RPGRIP1L: variants seen among roughly 807,000 people sequenced by gnomAD.
The protein encoded by RPGRIP1L is protein fantom.
RPGRIP1L carries 131 observed loss-of-function variants against 160.4 expected under a neutral mutation model. The observed-to-expected ratio is 0.82, with a 90% CI of 0.71 to 0.94. The LOEUF is 0.94. Ranked by LOEUF, RPGRIP1L falls within the 40% of genes least tolerant of loss-of-function variation. The pLI, the probability that RPGRIP1L is intolerant of heterozygous loss-of-function variation, is 0.00. For missense variants in RPGRIP1L, 1,522 were observed against 1,535.8 expected (o/e 0.99, Z 0.15); for synonymous variants, 510 against 515.8 (o/e 0.99, Z 0.15).
In RPGRIP1L at chr16:53,686,639, A is replaced by G; in HGVS notation, c.633-63T>C. 4.5e-6 allele frequency: 7 copies of G among 1,547,262 alleles called. No individual in the cohort carries two copies. In the South Asian group the frequency reaches 7.9e-5, roughly 18 times the overall value. On this transcript the variant is annotated intron_variant, in intron 5 of 26. Transcript: ENST00000647211. ...GGAAAATTTTTCAATAGTTAAGATC[A>G]GTGCAAAGAAAGTTCTTCATGAAAA...
intron 2 of RPGRIP1L, among the ~76,000 whole-genome samples, chr16:53,697,573 G>A (rs919418453): frequency 3.3e-5 from 5 of 152,190 alleles, no homozygotes; most frequent in African/African-American, 9.6e-5. Context: ...TGTGTTGGCC[G>A]GGCTGGTCTC....
At chr16:53,649,882 C>A (rs960071744) in intron 15 of RPGRIP1L, among the ~76,000 whole-genome samples, 3 of 152,160 alleles carry the variant, frequency 2.0e-5, no homozygotes, top group African/African-American at 7.2e-5. Context: ...TAATTTCCAC[C>A]AATATACTCC....
intron 4 of RPGRIP1L, among the ~76,000 whole-genome samples, chr16:53,688,332 T>C (rs907827706): frequency 6.6e-6 from 1 of 152,168 alleles, no homozygotes; most frequent in African/African-American, 2.4e-5. Context: ...TTCCCCAGTG[T>C]TTGTGATAAG....
Position 53,602,042 on chromosome 16 carries a change from TGAG to T in RPGRIP1L, c.*31_*33del. On this transcript the variant is annotated 3_prime_UTR_variant, in exon 27 of 27. Transcript: ENST00000647211. ...TAGGAACTTTCATGTGAGCATTTACTGAGGAGTAGGAGATGCCTCTGGAGCATT... is the reference window on the plus strand; with the variant it reads ...TAGGAACTTTCATGTGAGCATTTACTGAGTAGGAGATGCCTCTGGAGCATT... 1 of 1,210,632 alleles carries T rather than the reference TGAG, an allele frequency of 8.3e-7. No individual in the cohort carries two copies. Among genetic ancestry groups the T allele is most frequent in the Non-Finnish European group, 1.2e-6 (1 of 816,006 alleles). 75.0% of individuals were successfully genotyped at this position (1,210,632 alleles called of 1,614,324 possible).
intron 9 of RPGRIP1L, among the ~76,000 whole-genome samples, chr16:53,670,378 T>A (rs1049975977): frequency 6.6e-6 from 1 of 152,176 alleles, no homozygotes; most frequent in African/African-American, 2.4e-5. Context: ...CTGTTGAATA[T>A]CAGCTATAAC....
At chr16:53,615,537 G>A (rs1276166567) in intron 24 of RPGRIP1L, among the ~76,000 whole-genome samples, 30 of 142,790 alleles carry the variant, frequency 2.1e-4, no homozygotes, top group African/African-American at 2.6e-5. Context: ...GCAGTGGCGC[G>A]ATCTTGGCTC....
intron 15 of RPGRIP1L, among the ~76,000 whole-genome samples, chr16:53,651,590 G>C (rs1032100987): frequency 1.3e-5 from 2 of 152,052 alleles, no homozygotes; most frequent in African/African-American, 2.4e-5. Context: ...TCAGGTTTTT[G>C]CACTTGCTAT....
intron 14 of RPGRIP1L, among the ~76,000 whole-genome samples, chr16:53,656,104 GA>G (rs1239859609): frequency 6.6e-6 from 1 of 152,128 alleles, no homozygotes; most frequent in East Asian, 1.9e-4. Flanking sequence ...GAAGTAATTT[GA>G]AATCTTGCTT....
At chr16:53,641,513 A>C in intron 17 of RPGRIP1L, 38 bp from the exon 18 acceptor site, 1 of 1,544,178 alleles carries the variant, frequency 6.5e-7, no homozygotes, top group Non-Finnish European at 8.9e-7. Flanking sequence ...TGCTAGAGTG[A>C]AGTTTTATTA....
chr16:53,665,977 T>C (rs571824253), intron 9 of RPGRIP1L, among the ~76,000 whole-genome samples: 10 of 152,310 alleles, frequency 6.6e-5, no homozygotes, highest in African/African-American at 2.2e-4. Context: ...AACCATTATC[T>C]ATGAAGCTTG....
chr16:53,634,141 G>A (rs1965688106), intron 22 of RPGRIP1L, among the ~76,000 whole-genome samples: 1 of 151,750 alleles, frequency 6.6e-6, no homozygotes, highest in Admixed American at 6.6e-5. Flanking sequence ...CTTCAGAGGA[G>A]GAATGCTGTG....
intron 24 of RPGRIP1L, among the ~76,000 whole-genome samples, chr16:53,613,766 A>C (rs1050444301): frequency 1.3e-5 from 2 of 152,218 alleles, no homozygotes; most frequent in Non-Finnish European, 2.9e-5. Flanking sequence ...AATGATTGCC[A>C]CTATTTACTG....
intron 6 of RPGRIP1L, among the ~76,000 whole-genome samples, chr16:53,676,310 T>C (rs1308502663): frequency 6.6e-6 from 1 of 152,112 alleles, no homozygotes; most frequent in Non-Finnish European, 1.5e-5. Context: ...GTCTAAAACA[T>C]GTTATCTAGT....
chr16:53,622,350 C>A lies in RPGRIP1L; in HGVS notation c.3301G>T (p.Ala1101Ser). 3.4e-6 allele frequency: 2 copies of A among 593,632 alleles called. No homozygotes were observed. Among genetic ancestry groups the A allele is most frequent in the South Asian group, 2.0e-5 (1 of 49,514 alleles). 36.8% of individuals were successfully genotyped at this position (593,632 alleles called of 1,614,324 possible). The change falls in exon 23 of 27, where the codon GCA becomes TCA. Residue 1101 changes from alanine (A) to serine (S), a missense_variant. Transcript: ENST00000647211. Reference sequence around the variant, plus strand: ...CTGCACCCCAGCCCGGGAGACAATGCGAGACTCTGTCTCAAAAAAAAAAAA... The same window carrying A: ...CTGCACCCCAGCCCGGGAGACAATGAGAGACTCTGTCTCAAAAAAAAAAAA... Reference protein sequence around the residue: ...PISKNIKQSLALSPGLGCSSA... With the variant: ...PISKNIKQSLSLSPGLGCSSA...
intron 22 of RPGRIP1L, among the ~76,000 whole-genome samples, chr16:53,623,481 C>T (rs1964874933): frequency 6.6e-6 from 1 of 152,252 alleles, no homozygotes. Flanking sequence ...CAAATATCAT[C>T]TTTCCGCCTG....
chr16:53,679,281 A>T (rs1035724200), intron 6 of RPGRIP1L, among the ~76,000 whole-genome samples: 4 of 152,216 alleles, frequency 2.6e-5, no homozygotes, highest in African/African-American at 9.6e-5. Flanking sequence ...GTACTCCCAA[A>T]GGCTGGTTGG....
At chr16:53,613,156 G>T (rs1372059695) in intron 24 of RPGRIP1L, among the ~76,000 whole-genome samples, 5 of 152,086 alleles carry the variant, frequency 3.3e-5, no homozygotes, top group Non-Finnish European at 7.4e-5. Flanking sequence ...CACTTATCCT[G>T]TGATAGACAT....
At chr16:53,649,655 G>A (rs1966813061) in intron 15 of RPGRIP1L, among the ~76,000 whole-genome samples, 1 of 152,152 alleles carries the variant, frequency 6.6e-6, no homozygotes, top group Non-Finnish European at 1.5e-5. Flanking sequence ...ACCCTTGCAC[G>A]ATGTTTGCCC....
chr16:53,664,730 T>C lies in RPGRIP1L; in HGVS notation c.1243+140A>G. 7 of 959,148 alleles carry C rather than the reference T, an allele frequency of 7.3e-6. No individual in the cohort carries two copies. In the South Asian group the frequency reaches 8.0e-5, roughly 11 times the overall value. The allele number at this position is 959,148 out of a possible 1,614,324, so 59.4% of individuals were successfully genotyped here. ...AAATTTTGAGCAACCACTGAATTCATGAGAGTGGATGACTGTGTCTGTCCC... is the reference window on the plus strand; with the variant it reads ...AAATTTTGAGCAACCACTGAATTCACGAGAGTGGATGACTGTGTCTGTCCC... On this transcript the variant is annotated intron_variant, in intron 10 of 26. Coordinates refer to ENST00000647211, the MANE Select transcript of RPGRIP1L (RefSeq NM_015272.5).
Sources: gnomAD v4.1 joint callset for allele counts (sites outside exome capture counted in the v4.1 genomes callset) on GRCh38, gnomAD v4.1.1 for gene constraint, MANE v1.5 for transcripts, NCBI Gene and HGNC (gene_info 2026-07-23, HGNC 2026-07-21) for gene names.